Variants in PTPRB observed in about 807,000 individuals in gnomAD.
PTPRB encodes protein tyrosine phosphatase receptor type B.
Under a neutral mutation model 238.1 loss-of-function variants are expected in PTPRB, and 97 were observed. The observed-to-expected ratio is 0.41, with a 90% CI of 0.35 to 0.48. The LOEUF is 0.48. PTPRB is among the 20% of genes least tolerant of loss of function. The probability of loss-of-function intolerance (pLI) is 0.30; values close to 1 mark genes in which losing one functional copy is unlikely to be tolerated. For synonymous variants in PTPRB, 970 were observed against 995.4 expected (o/e 0.97, Z 0.48); for missense variants, 2,292 against 2,681.9 (o/e 0.85, Z 3.21).
rs1877129427 is a variant in PTPRB, at chr12:70,553,007, C to T, written c.5157G>A (p.Leu1719=). The T allele has an allele frequency of 6.2e-7, 1 of 1,613,690 alleles. No individual in the cohort carries two copies. ...GGAGAGGGTGCTGCTGTTCTGGCTT[C>T]AGCTCATCACTGCCTGGAGGAGAAA... ...VVREADGSDE[L]KPEQQHPLPS... The change falls in exon 21 of 34, where the codon CTG becomes CTA. Residue 1719 remains leucine, a synonymous_variant. Coordinates refer to ENST00000334414, the MANE Select transcript of PTPRB (RefSeq NM_001109754.4).
rs968977785 is a variant in PTPRB at position 70,631,840 on chromosome 12, C to T, written c.451+3831G>A. Reference sequence around the variant, plus strand: ...AGACACATGAAAAAATGCTTATCATCACTGGTCATCAGAGAAATGCAAATC... The same window carrying T: ...AGACACATGAAAAAATGCTTATCATTACTGGTCATCAGAGAAATGCAAATC... On this transcript the variant is annotated intron_variant, in intron 2 of 33. Transcript: ENST00000334414. Among the ~76,000 whole-genome samples the T allele has an allele frequency of 3.3e-5, 5 of 152,218 alleles. No homozygotes were observed. The South Asian group carries it at 1.0e-3, about 32-fold the overall frequency.
chr12:70,605,307 T>C lies in PTPRB; in HGVS notation c.979+3762A>G, dbSNP rs868096498. The stretch of plus-strand genomic sequence containing the variant: ...GTACATTCTCTCACTAAAATATTAA[T>C]TTCATTCATTCACATCTACATGCTT... On this transcript the variant is annotated intron_variant, in intron 4 of 33. Coordinates refer to ENST00000334414, the MANE Select transcript of PTPRB (RefSeq NM_001109754.4). Among the ~76,000 whole-genome samples, 39 of 152,300 alleles carry C rather than the reference T, an allele frequency of 2.6e-4. 1 individual carries two copies. Among genetic ancestry groups the C allele is most frequent in the Admixed American group, 9.8e-4 (15 of 15,296 alleles).
chr12:70,545,622 G>A lies in PTPRB; in HGVS notation c.5388-959C>T, dbSNP rs369004794. Among the ~76,000 whole-genome samples the A allele has an allele frequency of 5.3e-5, 8 of 152,304 alleles. No homozygotes were observed. In the South Asian group the frequency reaches 1.2e-3, roughly 24 times the overall value. Reference sequence around the variant, plus strand: ...TGTGTGTGGGCATAGGAGGTGAGGTGGCTGGAGCAGAGAGCTCAATGAAGA... The same window carrying A: ...TGTGTGTGGGCATAGGAGGTGAGGTAGCTGGAGCAGAGAGCTCAATGAAGA... On this transcript the variant is annotated intron_variant, in intron 21 of 33. Transcript: ENST00000334414.
chr12:70,576,742 C>T (rs1436371584), intron 10 of PTPRB, 97 bp from the exon 11 acceptor site: 4 of 678,872 alleles, frequency 5.9e-6, no homozygotes, highest in Non-Finnish European at 1.0e-5. Flanking sequence ...GCAGTCAGCA[C>T]AAACCGTGGA....
At chr12:70,549,938 T>C (rs1876634570) in intron 21 of PTPRB, among the ~76,000 whole-genome samples, 1 of 152,250 alleles carries the variant, frequency 6.6e-6, no homozygotes, top group African/African-American at 2.4e-5. Flanking sequence ...TATTTGTTCA[T>C]AAACATTTCA....
At chr12:70,613,992 G>GA (rs1884572164) in intron 3 of PTPRB, among the ~76,000 whole-genome samples, 1 of 152,070 alleles carries the variant, frequency 6.6e-6, no homozygotes, top group Non-Finnish European at 1.5e-5. Context: ...AAGACAAAGA[G>GA]AAAAAGGTGG....
intron 31 of PTPRB, 68 bp downstream of exon 31, chr12:70,534,419 AT>A (rs973252972): frequency 5.9e-6 from 9 of 1,527,270 alleles, no homozygotes; most frequent in Admixed American, 3.9e-5. Context: ...ATGCTTATGT[AT>A]TTTTCCAGAC....
chr12:70,603,595 A>T (rs1883702179), intron 4 of PTPRB, among the ~76,000 whole-genome samples: 2 of 152,216 alleles, frequency 1.3e-5, no homozygotes, highest in African/African-American at 4.8e-5. Context: ...GTGAATTCGT[A>T]AACATTGTCA....
intron 19 of PTPRB, 32 bp from the exon 20 acceptor site, chr12:70,555,341 G>A (rs748257790): frequency 1.3e-6 from 2 of 1,588,030 alleles, no homozygotes; most frequent in Non-Finnish European, 1.7e-6. Flanking sequence ...GAACCAAGAG[G>A]GGTCACAACT....
At chr12:70,524,783 G>C (rs1209386652) in intron 32 of PTPRB, among the ~76,000 whole-genome samples, 192 bp from the exon 33 acceptor site, 2 of 151,932 alleles carry the variant, frequency 1.3e-5, no homozygotes, top group Non-Finnish European at 2.9e-5. Context: ...AATGGTAATG[G>C]GCAGAGAGGT....
At position 70,563,036 on chromosome 12, in the gene PTPRB, A is replaced by T. The variant is rs1251125083; in HGVS notation, c.3976T>A (p.Ser1326Thr). ...TRHLSFRWTA[S>T]EGELSWYNIF... Reference sequence around the variant, plus strand: ...TTGTACCAGCTGAGCTCCCCCTCTGAGGCGGTCCAGCGGAAGGACAGGTGC... The same window carrying T: ...TTGTACCAGCTGAGCTCCCCCTCTGTGGCGGTCCAGCGGAAGGACAGGTGC... Residue 1326 changes from serine (S) to threonine (T), a missense_variant, in exon 16 of 34, where the codon TCA (serine) becomes ACA (threonine). Physicochemically the swap from Ser to Thr is moderately conservative, Grantham distance 58 (BLOSUM62 1). Transcript: ENST00000334414. 6.2e-7 allele frequency: 1 copy of T among 1,613,874 alleles called. No individual in the cohort carries two copies. Among genetic ancestry groups the T allele is most frequent in the Non-Finnish European group, 8.5e-7 (1 of 1,179,858 alleles).
chr12:70,584,238 G>A (rs1407539363), intron 9 of PTPRB, among the ~76,000 whole-genome samples: 2 of 152,142 alleles, frequency 1.3e-5, no homozygotes, highest in Non-Finnish European at 2.9e-5. Context: ...GTAGTTCAGA[G>A]AGAAAACACA....
chr12:70,636,068 T>G lies in PTPRB; in HGVS notation c.56-2A>C, dbSNP rs771349579. ...GGACATGGACAATCTGAAACCCTTC[T>G]GGAAGATGAAAAGCTCATAAAGCAC... On this transcript the variant is annotated splice_acceptor_variant, in intron 1 of 33. Transcript: ENST00000334414. LOFTEE classifies it high-confidence loss of function. The G allele has an allele frequency of 2.5e-6, 4 of 1,601,090 alleles. No homozygotes were observed. The South Asian group carries it at 3.4e-5, about 13-fold the overall frequency.
intron 1 of PTPRB, 122 bp from the exon 2 acceptor site, chr12:70,636,188 C>T: frequency 9.6e-7 from 1 of 1,037,170 alleles, no homozygotes; most frequent in Non-Finnish European, 1.3e-6. Flanking sequence ...TTTGTTATTT[C>T]TATCATTTCA....
At chr12:70,565,829 T>G (rs1029919929) in intron 15 of PTPRB, among the ~76,000 whole-genome samples, 1 of 152,128 alleles carries the variant, frequency 6.6e-6, no homozygotes, top group African/African-American at 2.4e-5. Context: ...TTTGTAGATG[T>G]GATTAAGTTA....
chr12:70,630,543 G>A (rs532576377), intron 2 of PTPRB, among the ~76,000 whole-genome samples: 88 of 152,204 alleles, frequency 5.8e-4, no homozygotes, highest in African/African-American at 1.9e-3. Flanking sequence ...ACTCCTATTC[G>A]ACATAGTGTT....
At chr12:70,524,447 G>C in intron 33 of PTPRB, 24 bp downstream of exon 33, 1 of 1,574,130 alleles carries the variant, frequency 6.4e-7, no homozygotes, top group Non-Finnish European at 8.6e-7. Context: ...GAAACTTGGG[G>C]AAGTAAGTGA....
intron 18 of PTPRB, 47 bp downstream of exon 18, chr12:70,559,296 C>G: frequency 6.5e-7 from 1 of 1,538,058 alleles, no homozygotes; most frequent in South Asian, 1.1e-5. Flanking sequence ...TGAACATATA[C>G]TTCCTCTACT....
chr12:70,618,049 C>T (rs1422482629), intron 3 of PTPRB, among the ~76,000 whole-genome samples: 2 of 152,166 alleles, frequency 1.3e-5, no homozygotes, highest in Non-Finnish European at 2.9e-5. Flanking sequence ...GTATTAATAG[C>T]TAAAACTATT....
Sources: allele counts gnomAD v4.1 joint callset (sites outside exome capture counted in the v4.1 genomes callset), GRCh38; gene constraint gnomAD v4.1.1; transcripts MANE v1.5; gene names NCBI Gene and HGNC (gene_info 2026-07-23, HGNC 2026-07-21).